The following GALNT13 variants were observed in gnomAD, a reference collection of about 807,000 sequenced individuals.
GALNT13 encodes the protein UDP-GalNAc:polypeptide N-acetylgalactosaminyltransferase 13.
In GALNT13, 28 loss-of-function variants were observed where a neutral mutation model predicts 64.2. The ratio of observed to expected loss-of-function variants is 0.44; its 90% CI spans 0.32 to 0.60. The LOEUF (loss-of-function observed/expected upper bound fraction) is 0.60, where lower values mean the gene tolerates loss of function less well. Ranked by LOEUF, GALNT13 falls within the 20% of genes least tolerant of loss-of-function variation. GALNT13 has a pLI of 0.05. For synonymous variants in GALNT13, 214 were observed against 224.6 expected (o/e 0.95, Z 0.42); for missense variants, 577 against 669.8 (o/e 0.86, Z 1.53).
chr2:153,887,235 A>G (rs887141396), intron 1 of GALNT13, among the ~76,000 whole-genome samples: 1 of 151,500 alleles, frequency 6.6e-6, no homozygotes, highest in African/African-American at 2.4e-5. Flanking sequence ...CATGAAATGT[A>G]CTGATTGTTG....
At chr2:153,863,013 T>G in the GALNT13 span, among the ~76,000 whole-genome samples, 4 of 152,152 alleles carry the variant, frequency 2.6e-5, no homozygotes, top group African/African-American at 9.6e-5. Context: ...CACATCAATT[T>G]GGCCACATAG....
the GALNT13 span, among the ~76,000 whole-genome samples, chr2:153,706,338 C>A: frequency 1.3e-5 from 2 of 152,066 alleles, no homozygotes; most frequent in Non-Finnish European, 2.9e-5. Flanking sequence ...AAGTGTATTT[C>A]AAAAGGCTAC....
the GALNT13 span, among the ~76,000 whole-genome samples, chr2:153,597,447 G>T: frequency 6.6e-6 from 1 of 151,996 alleles, no homozygotes; most frequent in Non-Finnish European, 1.5e-5. Context: ...AAAAAATAAA[G>T]TTAGACACTT....
intron 3 of GALNT13, among the ~76,000 whole-genome samples, chr2:153,956,518 T>G (rs1274019314): frequency 1.3e-5 from 2 of 152,176 alleles, no homozygotes; most frequent in Non-Finnish European, 2.9e-5. Flanking sequence ...GCCTATTTCT[T>G]AAATAACCAG....
chr2:153,648,948 A>T, the GALNT13 span, among the ~76,000 whole-genome samples: 4 of 152,086 alleles, frequency 2.6e-5, no homozygotes, highest in African/African-American at 4.8e-5. Flanking sequence ...TGTCTCTGCC[A>T]GGCTTTGGTA....
chr2:154,280,931 T>C (rs1488545515), intron 8 of GALNT13, among the ~76,000 whole-genome samples: 1 of 152,130 alleles, frequency 6.6e-6, no homozygotes, highest in African/African-American at 2.4e-5. Flanking sequence ...CCACATACAA[T>C]TTTTTTCACA....
chr2:153,950,907 C>T (rs1309701915), intron 3 of GALNT13, among the ~76,000 whole-genome samples: 1 of 151,668 alleles, frequency 6.6e-6, no homozygotes, highest in East Asian at 1.9e-4. Flanking sequence ...GCACATGTAC[C>T]CCGAATCTAA....
At chr2:154,236,908 C>T (rs113573623) in intron 4 of GALNT13, among the ~76,000 whole-genome samples, 3,552 of 151,996 alleles carry the variant, frequency 0.023, 122 homozygotes, top group African/African-American at 0.073. Flanking sequence ...CTATCTGATA[C>T]AACGATATAT....
the GALNT13 span, among the ~76,000 whole-genome samples, chr2:153,780,230 T>TGC: frequency 3.4e-4 from 3 of 8,918 alleles, no homozygotes; most frequent in Admixed American, 5.7e-3. Context: ...TATATATATA[T>TGC]ATATATATAT....
chr2:153,860,472 A>G, the GALNT13 span, among the ~76,000 whole-genome samples: 7 of 151,828 alleles, frequency 4.6e-5, no homozygotes, highest in African/African-American at 4.9e-5. Context: ...GGACCAAATC[A>G]GTTGACTTCT....
At chr2:153,123,554 G>A in the GALNT13 span, among the ~76,000 whole-genome samples, 2 of 152,162 alleles carry the variant, frequency 1.3e-5, no homozygotes, top group Admixed American at 6.5e-5. Flanking sequence ...CCTGAGTTGT[G>A]ACTCCAACTT....
At chr2:153,189,162 G>T in the GALNT13 span, among the ~76,000 whole-genome samples, 1 of 152,016 alleles carries the variant, frequency 6.6e-6, no homozygotes, top group Non-Finnish European at 1.5e-5. Context: ...ATGCTGGTAG[G>T]CCAGGCTCAT....
At chr2:153,597,445 A>T in the GALNT13 span, among the ~76,000 whole-genome samples, 40,883 of 151,916 alleles carry the variant, frequency 0.27, 5,876 homozygotes, top group South Asian at 0.42. Flanking sequence ...AAAAAAAATA[A>T]AGTTAGACAC....
chr2:153,216,791 G>T, the GALNT13 span, among the ~76,000 whole-genome samples: 1 of 151,638 alleles, frequency 6.6e-6, no homozygotes, highest in Non-Finnish European at 1.5e-5. Flanking sequence ...ATGGAAAAAA[G>T]GTTTTAATTT....
chr2:153,530,128 G>C, the GALNT13 span, among the ~76,000 whole-genome samples: 15 of 152,020 alleles, frequency 9.9e-5, no homozygotes, highest in Admixed American at 7.9e-4. Flanking sequence ...TTGCAGATAT[G>C]ATATTATATT....
intron 1 of GALNT13, among the ~76,000 whole-genome samples, chr2:153,885,376 A>G (rs915789039): frequency 6.6e-6 from 1 of 152,034 alleles, no homozygotes; most frequent in South Asian, 2.1e-4. Context: ...CTTTAGTTTT[A>G]TGAATGTGTG....
the GALNT13 span, among the ~76,000 whole-genome samples, chr2:153,741,377 C>T: frequency 6.6e-6 from 1 of 151,992 alleles, no homozygotes; most frequent in Non-Finnish European, 1.5e-5. Context: ...TTTTCCTCTG[C>T]TCTTTAAGAT....
chr2:154,431,650 G>C (rs1700714667), intron 11 of GALNT13, among the ~76,000 whole-genome samples: 1 of 152,178 alleles, frequency 6.6e-6, no homozygotes, highest in Non-Finnish European at 1.5e-5. Flanking sequence ...CATCTGATAT[G>C]ATTTGGCTGT....
intron 2 of GALNT13, among the ~76,000 whole-genome samples, chr2:153,927,882 T>C (rs1458724153): frequency 6.6e-6 from 1 of 152,080 alleles, no homozygotes; most frequent in East Asian, 1.9e-4. Flanking sequence ...AATACTTTAT[T>C]AACTAGTTTA....
Sources: gnomAD v4.1 joint callset for allele counts (sites outside exome capture counted in the v4.1 genomes callset) on GRCh38, gnomAD v4.1.1 for gene constraint, MANE v1.5 for transcripts, NCBI Gene and HGNC (gene_info 2026-07-23, HGNC 2026-07-21) for gene names.